The following EPB41L4A variants were observed in gnomAD, a reference collection of about 807,000 sequenced individuals.
The protein encoded by EPB41L4A is erythrocyte membrane protein band 4.1 like 4A, also known as band 4.1-like protein 4A.
A neutral mutation model predicts 108.6 loss-of-function variants in EPB41L4A; 100 were observed. The ratio of observed to expected loss-of-function variants is 0.92; its 90% CI spans 0.78 to 1.09. The LOEUF (loss-of-function observed/expected upper bound fraction) is 1.09, where lower values mean the gene tolerates loss of function less well. Ranked by LOEUF, EPB41L4A falls within the 50% of genes least tolerant of loss-of-function variation. EPB41L4A has a pLI of 0.00. For synonymous variants in EPB41L4A, 319 were observed against 289.0 expected, an observed-to-expected ratio of 1.10 and a Z score of -1.05; for missense variants, 1,030 against 842.7, an observed-to-expected ratio of 1.22 and a Z score of -2.75.
chr5:112,216,522 T>C (rs527864351), intron 12 of EPB41L4A, among the ~76,000 whole-genome samples: 1 of 152,196 alleles, frequency 6.6e-6, no homozygotes, highest in Non-Finnish European at 1.5e-5. Flanking sequence ...TGACATACAC[T>C]TTCTTTTAAA....
intron 2 of EPB41L4A, among the ~76,000 whole-genome samples, chr5:112,284,819 C>T (rs1268351036): frequency 6.6e-6 from 1 of 152,176 alleles, no homozygotes; most frequent in African/African-American, 2.4e-5. Flanking sequence ...TGATGTAACC[C>T]GGAGAGCAAT....
chr5:112,260,439 A>AC (rs1263492731), intron 7 of EPB41L4A, among the ~76,000 whole-genome samples: 1 of 152,230 alleles, frequency 6.6e-6, no homozygotes, highest in Non-Finnish European at 1.5e-5. Flanking sequence ...AAGACTGAGA[A>AC]CCACTGGCAT....
intron 17 of EPB41L4A, chr5:112,192,313 T>G (rs766834778): frequency 6.6e-6 from 1 of 152,220 alleles, no homozygotes; most frequent in Non-Finnish European, 1.5e-5. Context: ...GTGGTGGGGA[T>G]CAGAACTGAA....
At chr5:112,352,976 A>T (rs186188784) in intron 1 of EPB41L4A, among the ~76,000 whole-genome samples, 1 of 152,276 alleles carries the variant, frequency 6.6e-6, no homozygotes, top group East Asian at 1.9e-4. Flanking sequence ...TTCATAGGGA[A>T]GGCTTTTTTC....
At chr5:112,354,084 C>A (rs1428778616) in intron 1 of EPB41L4A, among the ~76,000 whole-genome samples, 1 of 152,206 alleles carries the variant, frequency 6.6e-6, no homozygotes, top group Non-Finnish European at 1.5e-5. Context: ...AGTTGTCTGA[C>A]TTTGAGCAAA....
chr5:112,394,614 T>C (rs1226674239), intron 1 of EPB41L4A, among the ~76,000 whole-genome samples: 1 of 152,146 alleles, frequency 6.6e-6, no homozygotes, highest in East Asian at 1.9e-4. Context: ...TGGAAGAACA[T>C]TCCATGCTCA....
At position 112,170,348 on chromosome 5, in the gene EPB41L4A, G is replaced by A. The variant is rs372402050; in HGVS notation, c.1692C>T (p.Ser564=). The change falls in exon 20 of 23, where the codon TCC becomes TCT. Residue 564 remains serine, a synonymous_variant. Transcript: ENST00000261486. The stretch of plus-strand genomic sequence containing the variant: ...CTTTTAATTGTTCTTCGGACAATCC[G>A]GATGGATCCACAAGTTCTTTTCTGT... The part of the protein sequence containing the change: ...KHIQKELVDP[S]GLSEEQLKEI... 4.8e-5 allele frequency: 78 copies of A among 1,611,372 alleles called. No individual in the cohort carries two copies. The highest frequency in any genetic ancestry group is 6.4e-5 in the Non-Finnish European group (75 of 1,177,954).
chr5:112,150,157 G>C (rs1191146864), intron 12 of EPB41L4A, among the ~76,000 whole-genome samples: 3 of 152,198 alleles, frequency 2.0e-5, no homozygotes, highest in African/African-American at 4.8e-5. Flanking sequence ...TGTGTAGTCT[G>C]AGTGCTCCCA....
chr5:112,405,657 G>A (rs921506981), intron 1 of EPB41L4A, among the ~76,000 whole-genome samples: 43 of 152,088 alleles, frequency 2.8e-4, no homozygotes, highest in Non-Finnish European at 5.7e-4. Flanking sequence ...AGCCAGCCAC[G>A]AGGGTTTCAG....
chr5:112,378,822 G>A (rs115253426), intron 1 of EPB41L4A, among the ~76,000 whole-genome samples: 7 of 152,194 alleles, frequency 4.6e-5, no homozygotes, highest in African/African-American at 1.7e-4. Flanking sequence ...GAGGAAACAT[G>A]GGCTGTTTGA....
chr5:112,401,594 A>C (rs1429909882), intron 1 of EPB41L4A, among the ~76,000 whole-genome samples: 1 of 152,226 alleles, frequency 6.6e-6, no homozygotes, highest in Non-Finnish European at 1.5e-5. Context: ...AAGAAGTATA[A>C]AATCTACTGG....
intron 1 of EPB41L4A, among the ~76,000 whole-genome samples, chr5:112,396,168 C>T (rs751994639): frequency 3.3e-5 from 5 of 151,942 alleles, no homozygotes; most frequent in Non-Finnish European, 7.4e-5. Context: ...TTAATGGGTG[C>T]GGCAAACCAA....
intron 13 of EPB41L4A, among the ~76,000 whole-genome samples, chr5:112,207,874 G>T (rs1290185294): frequency 6.6e-6 from 1 of 152,106 alleles, no homozygotes; most frequent in African/African-American, 2.4e-5. Flanking sequence ...ATTTCTCAAA[G>T]AACTTAAAAC....
chr5:112,251,515 A>G (rs547905459), intron 9 of EPB41L4A, among the ~76,000 whole-genome samples: 2 of 152,102 alleles, frequency 1.3e-5, no homozygotes, highest in Non-Finnish European at 2.9e-5. Context: ...TGGGGAAAAA[A>G]CCCCAACACA....
At chr5:112,158,727 T>C (rs752540168), downstream of EPB41L4A, among the ~76,000 whole-genome samples, 1 of 152,260 alleles carries the variant, frequency 6.6e-6, no homozygotes, top group Non-Finnish European at 1.5e-5. Flanking sequence ...AAAGATCTGG[T>C]GAGATCTCCT....
chr5:112,410,379 A>G (rs1429787311), intron 1 of EPB41L4A, among the ~76,000 whole-genome samples: 1 of 152,230 alleles, frequency 6.6e-6, no homozygotes, highest in Non-Finnish European at 1.5e-5. Context: ...CTCTAGATGC[A>G]GGTGGTTAAT....
intron 2 of EPB41L4A, among the ~76,000 whole-genome samples, chr5:112,298,364 T>C (rs1418457476): frequency 1.3e-5 from 2 of 152,210 alleles, no homozygotes; most frequent in Non-Finnish European, 2.9e-5. Flanking sequence ...GTCCCTCGTA[T>C]GCCAATTTTG....
chr5:112,288,068 A>C (rs887816279), intron 2 of EPB41L4A, among the ~76,000 whole-genome samples: 3 of 152,236 alleles, frequency 2.0e-5, no homozygotes, highest in African/African-American at 7.2e-5. Context: ...GCAAAGAATG[A>C]ATCCAGCATG....
intron 1 of EPB41L4A, among the ~76,000 whole-genome samples, chr5:112,337,751 TA>T (rs964610585): frequency 3.3e-5 from 5 of 152,018 alleles, no homozygotes; most frequent in Non-Finnish European, 7.4e-5. Context: ...ACCCATATTG[TA>T]AAAAAAGTAC....
Sources: allele counts gnomAD v4.1 joint callset (sites outside exome capture counted in the v4.1 genomes callset), GRCh38; gene constraint gnomAD v4.1.1; transcripts MANE v1.5; gene names NCBI Gene and HGNC (gene_info 2026-07-23, HGNC 2026-07-21).